Variants in MOB3B observed in about 807,000 individuals in gnomAD.
MOB3B encodes MOB kinase activator-like 2B.
Under a neutral mutation model 18.7 loss-of-function variants are expected in MOB3B, and 7 were observed. The observed-to-expected ratio is 0.37, with a 90% CI of 0.21 to 0.70. The LOEUF is 0.70. MOB3B is among the 30% of genes least tolerant of loss of function. The probability of loss-of-function intolerance (pLI) is 0.52; values close to 1 mark genes in which losing one functional copy is unlikely to be tolerated. For missense variants in MOB3B, 253 were observed against 281.3 expected, an observed-to-expected ratio of 0.90 and a Z score of 0.72; for synonymous variants, 111 against 99.9, an observed-to-expected ratio of 1.11 and a Z score of -0.66.
intron 3 of MOB3B, among the ~76,000 whole-genome samples, chr9:27,331,295 C>T (rs1388610711): frequency 6.6e-6 from 1 of 152,158 alleles, no homozygotes; most frequent in Non-Finnish European, 1.5e-5. Context: ...CCACATCCTG[C>T]GCCTGCCCCT....
At chr9:27,356,882 C>A (rs1283397724) in intron 3 of MOB3B, among the ~76,000 whole-genome samples, 1 of 151,718 alleles carries the variant, frequency 6.6e-6, no homozygotes, top group Admixed American at 6.6e-5. Context: ...ACAACCTTAT[C>A]TTCCCATAGT....
intron 2 of MOB3B, among the ~76,000 whole-genome samples, chr9:27,388,599 T>C (rs1167307028): frequency 6.6e-6 from 1 of 152,176 alleles, no homozygotes; most frequent in Non-Finnish European, 1.5e-5. Context: ...GTGTGGTCTT[T>C]TATACCTCGC....
In MOB3B at chr9:27,520,824, G is replaced by A. The variant is rs553514724; in HGVS notation, c.-199+8731C>T. Among the ~76,000 whole-genome samples, 4 of 152,324 alleles carry A rather than the reference G, an allele frequency of 2.6e-5. No individual in the cohort carries two copies. The East Asian group carries it at 7.7e-4, about 29-fold the overall frequency. On this transcript the variant is annotated intron_variant, in intron 1 of 3. Transcript: ENST00000262244. ...TGCTGTGAGAGGTCAGTGGGAGCTT[G>A]CATGGTGGATAGGGTTGTCAGATAA...
At chr9:27,406,638 G>T (rs559097325) in intron 2 of MOB3B, among the ~76,000 whole-genome samples, 1 of 152,286 alleles carries the variant, frequency 6.6e-6, no homozygotes, top group African/African-American at 2.4e-5. Context: ...ACATTGGGAA[G>T]GACAGTCTTC....
chr9:27,455,817 C>G, intron 1 of MOB3B, 69 bp from the exon 2 acceptor site: 1 of 1,348,708 alleles, frequency 7.4e-7, no homozygotes. Flanking sequence ...AGTCTTCAAC[C>G]TGATTTCCAC....
intron 2 of MOB3B, among the ~76,000 whole-genome samples, chr9:27,405,460 C>T (rs1821953186): frequency 1.3e-5 from 2 of 151,954 alleles, no homozygotes; most frequent in South Asian, 2.1e-4. Flanking sequence ...TGTTTGAGCT[C>T]CTTATATATT....
chr9:27,414,237 A>T (rs565930310), intron 2 of MOB3B, among the ~76,000 whole-genome samples: 1 of 152,234 alleles, frequency 6.6e-6, no homozygotes, highest in Non-Finnish European at 1.5e-5. Context: ...AGAACTTTGG[A>T]CCATGATTGT....
At position 27,328,628 on chromosome 9, in the gene MOB3B, A is replaced by T. The variant is rs1360864849; in HGVS notation, c.*1959T>A. 1.5e-4 allele frequency: 23 copies of T among 152,212 alleles called. No homozygotes were observed. The highest frequency in any genetic ancestry group is 1.5e-3 in the Admixed American group (23 of 15,278). 9.4% of individuals were successfully genotyped at this position (152,212 alleles called of 1,614,324 possible). On this transcript the variant is annotated 3_prime_UTR_variant, in exon 4 of 4. Transcript: ENST00000262244. ...ACTGCTGAAATGCAGGAACATATTCAACTTTTTAATGTAAAAATCCTGTGG... is the reference window on the plus strand; with the variant it reads ...ACTGCTGAAATGCAGGAACATATTCTACTTTTTAATGTAAAAATCCTGTGG...
Position 27,330,450 on chromosome 9 carries a change from C to G in MOB3B, c.*137G>C, listed in dbSNP as rs1339827896. The G allele has an allele frequency of 9.1e-7, 1 of 1,102,202 alleles. No homozygotes were observed. The highest frequency in any genetic ancestry group is 2.6e-5 in the East Asian group (1 of 38,392). 68.3% of individuals were successfully genotyped at this position (1,102,202 alleles called of 1,614,324 possible). ...CACAAAGTGAGTGGGGAATGTCTCTCAGGAGTCACTGCTTGCCTCCACCTC... is the reference window on the plus strand; with the variant it reads ...CACAAAGTGAGTGGGGAATGTCTCTGAGGAGTCACTGCTTGCCTCCACCTC... On this transcript the variant is annotated 3_prime_UTR_variant, in exon 4 of 4. Transcript: ENST00000262244.
At chr9:27,520,632 G>C (rs1820309890) in intron 1 of MOB3B, among the ~76,000 whole-genome samples, 1 of 152,232 alleles carries the variant, frequency 6.6e-6, no homozygotes, top group African/African-American at 2.4e-5. Flanking sequence ...GTGTGTGTCA[G>C]TATTATTTTG....
intron 1 of MOB3B, among the ~76,000 whole-genome samples, chr9:27,469,751 T>A (rs1819441969): frequency 6.6e-6 from 1 of 152,186 alleles, no homozygotes; most frequent in African/African-American, 2.4e-5. Flanking sequence ...TGTTTAATAC[T>A]TCAGCAAGTC....
chr9:27,481,537 A>C (rs1382943726), intron 1 of MOB3B, among the ~76,000 whole-genome samples: 5 of 79,300 alleles, frequency 6.3e-5, no homozygotes, highest in African/African-American at 3.1e-4. Context: ...TTTTTTTTTG[A>C]GACGGAGTCT....
At chr9:27,455,787 G>C in intron 1 of MOB3B, 39 bp from the exon 2 acceptor site, 1 of 1,395,368 alleles carries the variant, frequency 7.2e-7, no homozygotes, top group Non-Finnish European at 9.3e-7. Flanking sequence ...TGAGTGCCCA[G>C]TTCGCCTTTA....
intron 3 of MOB3B, among the ~76,000 whole-genome samples, chr9:27,330,888 C>A (rs1364357497): frequency 1.3e-5 from 2 of 151,982 alleles, no homozygotes; most frequent in Non-Finnish European, 2.9e-5. Context: ...AGATTTGGAG[C>A]TTCTGAACAA....
intron 2 of MOB3B, among the ~76,000 whole-genome samples, chr9:27,407,204 C>T (rs1821995351): frequency 6.6e-6 from 1 of 152,166 alleles, no homozygotes; most frequent in African/African-American, 2.4e-5. Flanking sequence ...AAGACTGAAG[C>T]ATCCTGCATT....
At chr9:27,411,604 C>T (rs901664241) in intron 2 of MOB3B, among the ~76,000 whole-genome samples, 5 of 152,178 alleles carry the variant, frequency 3.3e-5, no homozygotes, top group Admixed American at 3.3e-4. Context: ...TCTAAATGAA[C>T]TGACAGAAGA....
intron 1 of MOB3B, among the ~76,000 whole-genome samples, chr9:27,518,220 T>C (rs1820269121): frequency 6.6e-6 from 1 of 152,046 alleles, no homozygotes; most frequent in Non-Finnish European, 1.5e-5. Context: ...CCAACTCCTT[T>C]TAAAATGTTT....
At chr9:27,424,161 T>TA (rs575056158) in intron 2 of MOB3B, among the ~76,000 whole-genome samples, 275 of 152,330 alleles carry the variant, frequency 1.8e-3, no homozygotes, top group African/African-American at 6.3e-3. Context: ...TGACATCCCC[T>TA]ATGCTTAGGT....
chr9:27,426,911 T>C (rs1275623477), intron 2 of MOB3B, among the ~76,000 whole-genome samples: 1 of 152,178 alleles, frequency 6.6e-6, no homozygotes, highest in Non-Finnish European at 1.5e-5. Context: ...GGTAATGGAA[T>C]AGGCGGGATG....
Sources: allele counts gnomAD v4.1 joint callset (sites outside exome capture counted in the v4.1 genomes callset), GRCh38; gene constraint gnomAD v4.1.1; transcripts MANE v1.5; gene names NCBI Gene and HGNC (gene_info 2026-07-23, HGNC 2026-07-21).